The following DLGAP1 variants were observed in gnomAD, a reference collection of about 807,000 sequenced individuals.
DLGAP1 encodes disks large-associated protein 1.
DLGAP1 carries 11 observed loss-of-function variants against 90.8 expected under a neutral mutation model. The ratio of observed to expected loss-of-function variants is 0.12; its 90% CI spans 0.08 to 0.20. DLGAP1 has a LOEUF of 0.20. Ranked by LOEUF, DLGAP1 falls within the 10% of genes least tolerant of loss-of-function variation. DLGAP1 has a pLI of 1.00. For synonymous variants in DLGAP1, 558 were observed against 540.7 expected, an observed-to-expected ratio of 1.03 and a Z score of -0.44; for missense variants, 1,050 against 1,333.8, an observed-to-expected ratio of 0.79 and a Z score of 3.31.
At chr18:4,325,728 G>A (rs2143659694) in intron 1 of DLGAP1, among the ~76,000 whole-genome samples, 1 of 152,220 alleles carries the variant, frequency 6.6e-6, no homozygotes, top group East Asian at 1.9e-4. Context: ...ACAAATATCT[G>A]ATCTTTGACA....
At chr18:4,142,547 G>GA (rs1201448168) in intron 2 of DLGAP1, among the ~76,000 whole-genome samples, 2 of 152,174 alleles carry the variant, frequency 1.3e-5, no homozygotes, top group African/African-American at 4.8e-5. Context: ...ACAGATGTCT[G>GA]AAAAATTCAA....
Position 3,861,998 on chromosome 18 carries a change from T to C in DLGAP1, c.957+17114A>G, listed in dbSNP as rs12604126. Among the ~76,000 whole-genome samples the C allele has an allele frequency of 2.1e-3, 316 of 152,340 alleles. 6 individuals are homozygous for C. The East Asian group carries it at 0.054, about 26-fold the overall frequency. Reference sequence around the variant, plus strand: ...GTGAGTAAACAAATGAAGCCAGACGTTGACACTTGTACATCAATCATGTTC... The same window carrying C: ...GTGAGTAAACAAATGAAGCCAGACGCTGACACTTGTACATCAATCATGTTC... On this transcript the variant is annotated intron_variant, in intron 4 of 12. Transcript: ENST00000315677.
rs1477542106 is a variant in DLGAP1 at position 3,782,140 on chromosome 18, A to AT, written c.1172+31918dup. On this transcript the variant is annotated intron_variant, in intron 5 of 12. Transcript: ENST00000315677. ...CATTAAAGTTCACTTTTGCTCTAAGATTTTTTTTTTTTTTTGGACAGAGCC... is the reference window on the plus strand; with the variant it reads ...CATTAAAGTTCACTTTTGCTCTAAGATTTTTTTTTTTTTTTTGGACAGAGCC... Among the ~76,000 whole-genome samples the AT allele has an allele frequency of 8.5e-3, 1,189 of 140,426 alleles. 16 individuals carry two copies. Among genetic ancestry groups the AT allele is most frequent in the African/African-American group, 0.023 (865 of 38,402 alleles). The allele number at this position is 140,426 out of a possible 152,430, so 92.1% of individuals were successfully genotyped here.
intron 1 of DLGAP1, among the ~76,000 whole-genome samples, chr18:4,183,576 C>T (rs2077243537): frequency 6.6e-6 from 1 of 152,014 alleles, no homozygotes; most frequent in Admixed American, 6.6e-5. Context: ...GACCTTTGTA[C>T]ATTTTCCTTT....
At chr18:3,999,222 G>A (rs868394033) in intron 3 of DLGAP1, among the ~76,000 whole-genome samples, 14 of 151,078 alleles carry the variant, frequency 9.3e-5, no homozygotes, top group African/African-American at 2.2e-4. Flanking sequence ...TTTTTATCCC[G>A]TCTCCTTTAT....
At chr18:4,225,674 A>AGT (rs35820456) in intron 1 of DLGAP1, among the ~76,000 whole-genome samples, 90,353 of 151,340 alleles carry the variant, frequency 0.6, 27,329 homozygotes, top group East Asian at 0.84. Flanking sequence ...AGAATGTATC[A>AGT]GTCTCTTACC....
chr18:3,920,985 T>G (rs2072257355), intron 3 of DLGAP1, among the ~76,000 whole-genome samples: 1 of 152,248 alleles, frequency 6.6e-6, no homozygotes, highest in African/African-American at 2.4e-5. Context: ...CCAACTTGTA[T>G]GTTTATAAAA....
chr18:4,373,577 C>T (rs2081959931), intron 1 of DLGAP1, among the ~76,000 whole-genome samples: 1 of 152,186 alleles, frequency 6.6e-6, no homozygotes, highest in African/African-American at 2.4e-5. Flanking sequence ...TGTACAGGTG[C>T]ACATACACGC....
chr18:4,158,150 T>A (rs527626824), intron 1 of DLGAP1, among the ~76,000 whole-genome samples: 1 of 152,304 alleles, frequency 6.6e-6, no homozygotes, highest in East Asian at 1.9e-4. Flanking sequence ...TGGGTAAGGA[T>A]GACATACATA....
intron 1 of DLGAP1, among the ~76,000 whole-genome samples, chr18:4,277,093 G>T (rs2079434090): frequency 6.6e-6 from 1 of 152,198 alleles, no homozygotes; most frequent in Admixed American, 6.5e-5. Context: ...CACCAAAACA[G>T]TGGGAGGCTT....
chr18:4,170,225 G>A (rs988841289), intron 1 of DLGAP1, among the ~76,000 whole-genome samples: 1 of 152,116 alleles, frequency 6.6e-6, no homozygotes, highest in African/African-American at 2.4e-5. Context: ...TGAACGTTGG[G>A]CATGAAAGAG....
At chr18:3,752,506 CCT>C (rs1348363572) in intron 5 of DLGAP1, among the ~76,000 whole-genome samples, 2 of 148,344 alleles carry the variant, frequency 1.3e-5, no homozygotes, top group Non-Finnish European at 3.0e-5. Context: ...TTCCTCCCTC[CCT>C]CTCTCCCTCC....
chr18:3,779,789 CTTTT>C (rs1311406353), intron 5 of DLGAP1, among the ~76,000 whole-genome samples: 1 of 138,612 alleles, frequency 7.2e-6, no homozygotes, highest in Non-Finnish European at 1.6e-5. Flanking sequence ...CTCTTTCTTT[CTTTT>C]CTTTTTTTTT....
chr18:3,879,030 G>A lies in DLGAP1; in HGVS notation c.957+82C>T, dbSNP rs2071075323. The A allele has an allele frequency of 8.2e-6, 10 of 1,217,468 alleles. No homozygotes were observed. Among genetic ancestry groups the A allele is most frequent in the Admixed American group, 5.3e-5 (2 of 37,850 alleles). The allele number at this position is 1,217,468 out of a possible 1,614,324, so 75.4% of individuals were successfully genotyped here. A position where few individuals can be genotyped will look rare whatever the true frequency, so the allele number is the denominator to read the frequency against. ...ATCTTAATAGACAATTCAGAGTAGT[G>A]CCAAGACTAGAACCAGGAGAAATGC... On this transcript the variant is annotated intron_variant, in intron 4 of 12. Transcript: ENST00000315677. This position sits in a 1 kb window ranked among gnomAD's most constrained non-coding sequence, Gnocchi z 6.6.
intron 4 of DLGAP1, chr18:3,822,024 GAAAAA>G: frequency 3.0e-6 from 2 of 662,352 alleles, no homozygotes; most frequent in Non-Finnish European, 1.8e-6. Flanking sequence ...AGCAAAAACA[GAAAAA>G]AAAAAAAAAA....
At chr18:3,757,597 A>G (rs2063768227) in intron 5 of DLGAP1, among the ~76,000 whole-genome samples, 1 of 152,214 alleles carries the variant, frequency 6.6e-6, no homozygotes, top group Admixed American at 6.5e-5. Flanking sequence ...AGTATCTGAA[A>G]ATCAATTAAT....
chr18:4,070,300 C>T (rs1223725420), intron 2 of DLGAP1, among the ~76,000 whole-genome samples: 5 of 151,950 alleles, frequency 3.3e-5, no homozygotes, highest in African/African-American at 1.2e-4. Flanking sequence ...GCATTTTCTA[C>T]CCAACTTTTT....
At chr18:3,599,097 T>C (rs747327541) in intron 7 of DLGAP1, among the ~76,000 whole-genome samples, 1 of 152,320 alleles carries the variant, frequency 6.6e-6, no homozygotes, top group African/African-American at 2.4e-5. Context: ...AAATACTACC[T>C]TTCTGTTAGG....
intron 1 of DLGAP1, among the ~76,000 whole-genome samples, chr18:4,283,999 T>C (rs1408428797): frequency 2.6e-5 from 4 of 151,924 alleles, no homozygotes; most frequent in Admixed American, 2.0e-4. Flanking sequence ...GAAACACACG[T>C]AAGAGCATTA....
Sources: allele counts gnomAD v4.1 joint callset (sites outside exome capture counted in the v4.1 genomes callset), GRCh38; gene constraint gnomAD v4.1.1; non-coding constraint Gnocchi (gnomAD v3.1); transcripts MANE v1.5; gene names NCBI Gene and HGNC (gene_info 2026-07-23, HGNC 2026-07-21).